Variants in NLRP9 observed in about 807,000 individuals in gnomAD.
NLRP9 encodes the protein NLR family pyrin domain containing 9.
In NLRP9, 88 loss-of-function variants were observed where a neutral mutation model predicts 83.1. The observed-to-expected ratio is 1.06, with a 90% CI of 0.89 to 1.26. The LOEUF (loss-of-function observed/expected upper bound fraction) is 1.26, where lower values mean the gene tolerates loss of function less well. NLRP9 is among the 50% of genes most tolerant of loss of function. The pLI is 0.00. For missense variants in NLRP9, 1,308 were observed against 1,179.3 expected (o/e 1.11, Z -1.60); for synonymous variants, 521 against 447.6 (o/e 1.16, Z -2.07).
chr19:55,733,116 G>C lies in NLRP9; in HGVS notation c.715C>G (p.Leu239Val), dbSNP rs748800513. 1 of 1,614,150 alleles carries C rather than the reference G, an allele frequency of 6.2e-7. No individual in the cohort carries two copies. The highest frequency in any genetic ancestry group is 1.3e-5 in the African/African-American group (1 of 75,048). Reference protein sequence around the residue: ...GFEQLKFNLQLKADLSDDWRQ... With the variant: ...GFEQLKFNLQVKADLSDDWRQ... ...CAATCATCGCTCAAGTCAGCCTTAA[G>C]TTGTAAGTTAAACTTCAGTTGCTCA... Residue 239 changes from leucine (L) to valine (V), a missense_variant, in exon 2 of 9, where the codon CTT becomes GTT. Leu to Val is a conservative substitution (Grantham distance 32). Coordinates refer to ENST00000332836, the MANE Select transcript of NLRP9 (RefSeq NM_176820.4).
At position 55,715,219 on chromosome 19, in the gene NLRP9, C is replaced by T. The variant is rs1467562044; in HGVS notation, c.2337G>A (p.Met779Ile). 1 of 1,612,760 alleles carries T rather than the reference C, an allele frequency of 6.2e-7. No individual in the cohort carries two copies. Among genetic ancestry groups the T allele is most frequent in the Admixed American group, 1.7e-5 (1 of 59,902 alleles). The stretch of plus-strand genomic sequence containing the variant: ...AGGAGACAGAGGTGAGACAGCAGTA[C>T]ATCAACCTGCAAAGAAACACACCGT... ...SHCALERLML[M>I]YCCLTSVSCD... The change falls in exon 6 of 9, where the codon ATG becomes ATA. Residue 779 changes from methionine to isoleucine, a missense_variant. Transcript: ENST00000332836.
At chr19:55,735,227 A>G (rs954898802) in intron 1 of NLRP9, among the ~76,000 whole-genome samples, 101 of 152,178 alleles carry the variant, frequency 6.6e-4, no homozygotes, top group African/African-American at 2.3e-3. Context: ...GTCGCACAGG[A>G]GTTATTCAAG....
At position 55,733,357 on chromosome 19, in the gene NLRP9, T is replaced by C; in HGVS notation, c.474A>G (p.Lys158=). The C allele has an allele frequency of 6.2e-7, 1 of 1,614,196 alleles. No homozygotes were observed. Among genetic ancestry groups the C allele is most frequent in the Non-Finnish European group, 8.5e-7 (1 of 1,180,032 alleles). ...VVLEGPDGIG[K]TTLLRKVMLD... ...ACATCACTTTTCTTAAAAGGGTTGTTTTTCCAATTCCATCAGGACCTTCCA... is the reference window on the plus strand; with the variant it reads ...ACATCACTTTTCTTAAAAGGGTTGTCTTTCCAATTCCATCAGGACCTTCCA... The change falls in exon 2 of 9, where the codon AAA becomes AAG. Residue 158 remains lysine, a synonymous_variant. Coordinates refer to ENST00000332836, the MANE Select transcript of NLRP9 (RefSeq NM_176820.4).
At chr19:55,715,422 C>T (rs563627215) in intron 5 of NLRP9, among the ~76,000 whole-genome samples, 197 bp from the exon 6 acceptor site, 4 of 152,140 alleles carry the variant, frequency 2.6e-5, no homozygotes, top group Non-Finnish European at 4.4e-5. Context: ...CGGTGCCTCA[C>T]GCCTGTCATC....
At chr19:55,735,556 G>A (rs527825853) in intron 1 of NLRP9, among the ~76,000 whole-genome samples, 115 of 152,196 alleles carry the variant, frequency 7.6e-4, no homozygotes, top group African/African-American at 2.6e-3. Context: ...TCTTCTGCCC[G>A]ATTTTTCTCT....
At chr19:55,729,435 C>T (rs956538749) in intron 3 of NLRP9, among the ~76,000 whole-genome samples, 1 of 152,010 alleles carries the variant, frequency 6.6e-6, no homozygotes, top group Non-Finnish European at 1.5e-5. Context: ...CCTTCCTGTG[C>T]CCATGTGTTC....
At chr19:55,721,084 G>C (rs1988210473) in intron 4 of NLRP9, among the ~76,000 whole-genome samples, 1 of 152,200 alleles carries the variant, frequency 6.6e-6, no homozygotes, top group South Asian at 2.1e-4. Flanking sequence ...CTGGTTAAAA[G>C]ATACTGATTA....
intron 8 of NLRP9, 168 bp downstream of exon 8, chr19:55,711,632 C>A: frequency 1.2e-6 from 1 of 864,590 alleles, no homozygotes; most frequent in African/African-American, 1.7e-5. Context: ...TGACATCTTA[C>A]AATGTCAATG....
chr19:55,710,910 A>AC (rs1987684870), intron 8 of NLRP9, among the ~76,000 whole-genome samples: 1 of 151,990 alleles, frequency 6.6e-6, no homozygotes, highest in South Asian at 2.1e-4. Context: ...ACATGGTGAA[A>AC]CCCCGTCTCT....
intron 8 of NLRP9, among the ~76,000 whole-genome samples, chr19:55,711,125 A>G (rs1600122717): frequency 1.3e-5 from 2 of 152,052 alleles, no homozygotes; most frequent in Admixed American, 6.6e-5. Flanking sequence ...AAAACCTTAA[A>G]CAACATATTG....
intron 3 of NLRP9, 59 bp from the exon 4 acceptor site, chr19:55,724,203 C>A: frequency 8.2e-7 from 1 of 1,221,144 alleles, no homozygotes; most frequent in South Asian, 1.4e-5. Context: ...CAAAGACAGA[C>A]ACCTCTTGTA....
chr19:55,732,564 A>C lies in NLRP9; in HGVS notation c.1267T>G (p.Ser423Ala). The change falls in exon 2 of 9, where the codon TCT becomes GCT. Residue 423 changes from serine to alanine, a missense_variant. Transcript: ENST00000332836. ...ATACCCACCCACATCACGCCCTCAG[A>C]CTCAGATAACCCATTCCTCCGGAGA... ...GDLRRNGLSESEGVMWVGMRL... is the reference protein window; with the variant it reads ...GDLRRNGLSEAEGVMWVGMRL... 1 of 1,614,194 alleles carries C rather than the reference A, an allele frequency of 6.2e-7. No individual in the cohort carries two copies. Among genetic ancestry groups the C allele is most frequent in the Non-Finnish European group, 8.5e-7 (1 of 1,180,038 alleles).
chr19:55,729,936 T>C lies in NLRP9; in HGVS notation c.1889A>G (p.Lys630Arg). Reference protein sequence around the residue: ...RELCSMFITNKNFQILDMENT... With the variant: ...RELCSMFITNRNFQILDMENT... ...TTCCATGTCTAAAATCTGGAAGTTCTTGTTGGTAATGAACATTGAGCAAAG... is the reference window on the plus strand; with the variant it reads ...TTCCATGTCTAAAATCTGGAAGTTCCTGTTGGTAATGAACATTGAGCAAAG... The change falls in exon 3 of 9, where the codon AAG becomes AGG. Residue 630 changes from lysine to arginine, a missense_variant. By Grantham distance (26) the Lys-to-Arg change is conservative. Coordinates refer to ENST00000332836, the MANE Select transcript of NLRP9 (RefSeq NM_176820.4). The C allele has an allele frequency of 1.9e-6, 3 of 1,613,858 alleles. No homozygotes were observed. The highest frequency in any genetic ancestry group is 2.5e-6 in the Non-Finnish European group (3 of 1,179,732).
chr19:55,715,856 G>A (rs1429829587), intron 5 of NLRP9, among the ~76,000 whole-genome samples: 1 of 152,140 alleles, frequency 6.6e-6, no homozygotes, highest in Non-Finnish European at 1.5e-5. Context: ...GTATACATAT[G>A]GCTTAACGGA....
Position 55,733,035 on chromosome 19 carries a change from G to A in NLRP9, c.796C>T (p.Leu266Phe), listed in dbSNP as rs775007010. 1.9e-6 allele frequency: 3 copies of A among 1,613,540 alleles called. No homozygotes were observed. Among genetic ancestry groups the A allele is most frequent in the East Asian group, 2.2e-5 (1 of 44,892 alleles). ...ILSSLLQKKM[L>F]PESSLLIALG... is the part of the protein sequence containing the mutation. ...GCAATAAGGAGAGAGGATTCTGGAA[G>A]CATCTTTTTTTGCAACAAACTGCTC... Residue 266 changes from leucine to phenylalanine, a missense_variant, in exon 2 of 9, where the codon CTT (leucine) becomes TTT (phenylalanine). Transcript: ENST00000332836.
At chr19:55,737,346 G>A (rs750658943) in intron 1 of NLRP9, 2 of 152,256 alleles carry the variant, frequency 1.3e-5, no homozygotes, top group Admixed American at 6.5e-5. Context: ...GGGCTAATTC[G>A]GCTGATGTGG....
At chr19:55,734,962 A>T (rs1025110626) in intron 1 of NLRP9, among the ~76,000 whole-genome samples, 4 of 152,176 alleles carry the variant, frequency 2.6e-5, no homozygotes, top group African/African-American at 9.7e-5. Context: ...TGCAAAGTTT[A>T]TCTAATGAGT....
At chr19:55,716,215 T>C (rs964242765) in intron 5 of NLRP9, among the ~76,000 whole-genome samples, 2 of 151,982 alleles carry the variant, frequency 1.3e-5, no homozygotes, top group African/African-American at 2.4e-5. Context: ...AACATCACAC[T>C]GTATGGCTTA....
chr19:55,711,553 G>GCTCTTTTTGATTGTCACAA (rs1265309786), intron 8 of NLRP9: 9 of 1,138,262 alleles, frequency 7.9e-6, no homozygotes, highest in Middle Eastern at 2.0e-4. Context: ...AATTTCTGGA[G>GCTCTTTTTGATTGTCACAA]CTCTTTTTGA....
Sources: allele counts gnomAD v4.1 joint callset (sites outside exome capture counted in the v4.1 genomes callset), GRCh38; gene constraint gnomAD v4.1.1; transcripts MANE v1.5; gene names NCBI Gene and HGNC (gene_info 2026-07-23, HGNC 2026-07-21).